The following PCNT variants were observed in gnomAD, a reference collection of about 807,000 sequenced individuals.
The protein encoded by PCNT is kendrin.
In PCNT, 319 loss-of-function variants were observed where a neutral mutation model predicts 380.4. That is an observed-to-expected ratio of 0.84 (90% confidence interval 0.77 to 0.92). The LOEUF (loss-of-function observed/expected upper bound fraction) is 0.92, where lower values mean the gene tolerates loss of function less well. PCNT is among the 40% of genes least tolerant of loss of function. The pLI is 0.00. For synonymous variants in PCNT, 1,845 were observed against 1,735.2 expected (o/e 1.06, Z -1.57); for missense variants, 4,400 against 4,255.3 (o/e 1.03, Z -0.95).
intron 17 of PCNT, among the ~76,000 whole-genome samples, chr21:46,386,917 C>A (rs1035816512): frequency 6.6e-6 from 1 of 152,104 alleles, no homozygotes; most frequent in Non-Finnish European, 1.5e-5. Flanking sequence ...TGTCCCCGCC[C>A]GAGGCCTCTG....
chr21:46,353,053 T>G (rs1032926346), intron 9 of PCNT, 51 bp from the exon 10 acceptor site: 2 of 1,471,314 alleles, frequency 1.4e-6, no homozygotes, highest in African/African-American at 1.4e-5. Context: ...TCGCCTGGCT[T>G]GTTGTGGGTG....
intron 29 of PCNT, 29 bp from the exon 30 acceptor site, chr21:46,416,040 A>G: frequency 6.2e-7 from 1 of 1,612,628 alleles, no homozygotes; most frequent in Non-Finnish European, 8.5e-7. Flanking sequence ...CAGGTATTCC[A>G]CCGTGCACCT....
At chr21:46,431,419 A>G in intron 37 of PCNT, 110 bp from the exon 38 acceptor site, 1 of 1,583,084 alleles carries the variant, frequency 6.3e-7, no homozygotes, top group Non-Finnish European at 8.6e-7. Flanking sequence ...GGTGCATTTC[A>G]AAAGGTAGAA....
intron 3 of PCNT, among the ~76,000 whole-genome samples, chr21:46,337,780 C>T (rs1450774856): frequency 6.6e-6 from 1 of 151,752 alleles, no homozygotes; most frequent in East Asian, 1.9e-4. Flanking sequence ...TGGGGTTTCA[C>T]CATGTTGGTC....
rs752113441 is a variant in PCNT, at chr21:46,399,671, C to T, written c.4666C>T (p.Gln1556Ter). The T allele has an allele frequency of 6.2e-7, 1 of 1,613,350 alleles. No individual in the cohort carries two copies. Among genetic ancestry groups the T allele is most frequent in the Non-Finnish European group, 8.5e-7 (1 of 1,179,382 alleles). ...LAIQKESADR[Q>*]VLMQEEEIKR... ...TATACAGAAAGAGTCGGCAGATAGA[C>T]AAGTGTTAATGCAGGAAGAAGAAAT... is the stretch of plus-strand genomic sequence containing the variant. The change falls in exon 25 of 47, where the codon CAA becomes TAA. Residue 1556 changes from glutamine to a stop codon, truncating the protein, a stop_gained. Coordinates refer to ENST00000359568, the MANE Select transcript of PCNT (RefSeq NM_006031.6). LOFTEE classifies it high-confidence loss of function.
At chr21:46,356,863 A>G in intron 12 of PCNT, 111 bp from the exon 13 acceptor site, 2 of 868,110 alleles carry the variant, frequency 2.3e-6, no homozygotes, top group Admixed American at 2.0e-5. Flanking sequence ...GAAAATCCAC[A>G]GTGTCTGCTG....
intron 43 of PCNT, among the ~76,000 whole-genome samples, chr21:46,441,388 C>G (rs1274606016): frequency 2.0e-5 from 3 of 152,144 alleles, no homozygotes; most frequent in Non-Finnish European, 4.4e-5. Context: ...AACTGTTTTT[C>G]CCCCTAAACA....
At chr21:46,424,211 G>T (rs1298680538) in intron 32 of PCNT, among the ~76,000 whole-genome samples, 2 of 152,206 alleles carry the variant, frequency 1.3e-5, no homozygotes, top group Non-Finnish European at 2.9e-5. Context: ...CTGAGCACGG[G>T]TGGGGCCCCG....
Position 46,427,780 on chromosome 21 carries a change from GAT to G in PCNT, c.7480_7481del (p.Ile2494HisfsTer3). The G allele has an allele frequency of 6.2e-7, 1 of 1,613,530 alleles. No individual in the cohort carries two copies. Among genetic ancestry groups the G allele is most frequent in the Non-Finnish European group, 8.5e-7 (1 of 1,180,024 alleles). ...GCTCCCTGCTCGAAAGGCTGGAGAA[GAT>G]CATCCGTGAGCAGGTGAGTGTCAGC... ...HSSLLERLEK[I>X]IREQGDLQEK... On this transcript the variant is annotated frameshift_variant, in exon 34 of 47. Coordinates refer to ENST00000359568, the MANE Select transcript of PCNT (RefSeq NM_006031.6). LOFTEE classifies it high-confidence loss of function.
chr21:46,359,200 G>A (rs1322697289), intron 13 of PCNT, among the ~76,000 whole-genome samples: 3 of 151,296 alleles, frequency 2.0e-5, no homozygotes, highest in Non-Finnish European at 3.0e-5. Context: ...TGATCTGCCC[G>A]CCTTGGCCTC....
intron 27 of PCNT, among the ~76,000 whole-genome samples, chr21:46,408,616 T>G (rs1401125101): frequency 6.6e-6 from 1 of 152,206 alleles, no homozygotes; most frequent in Non-Finnish European, 1.5e-5. Flanking sequence ...TGGTATATCC[T>G]AGAGTTTTGT....
intron 15 of PCNT, among the ~76,000 whole-genome samples, chr21:46,375,782 G>A (rs561624084): frequency 6.6e-5 from 10 of 152,364 alleles, no homozygotes; most frequent in Admixed American, 3.3e-4. Flanking sequence ...GTCCCCCCGC[G>A]GGGAGCCGCC....
chr21:46,379,698 T>G (rs2085448974), intron 15 of PCNT, among the ~76,000 whole-genome samples: 1 of 152,208 alleles, frequency 6.6e-6, no homozygotes, highest in Non-Finnish European at 1.5e-5. Context: ...TTCTGTCTTC[T>G]GCCTGCTCGA....
chr21:46,371,255 G>C (rs2085117991), intron 15 of PCNT, among the ~76,000 whole-genome samples: 1 of 142,112 alleles, frequency 7.0e-6, no homozygotes, highest in African/African-American at 2.6e-5. Context: ...CTCAAAAAAA[G>C]TCTAGAGTGC....
intron 8 of PCNT, among the ~76,000 whole-genome samples, chr21:46,351,163 G>A (rs186021353): frequency 6.6e-5 from 10 of 152,252 alleles, no homozygotes; most frequent in Admixed American, 2.0e-4. Context: ...GAACCTGGCC[G>A]TGCCACCTCC....
At chr21:46,341,945 T>TA (rs1491411143) in intron 3 of PCNT, among the ~76,000 whole-genome samples, 2 of 12,204 alleles carry the variant, frequency 1.6e-4, no homozygotes, top group Non-Finnish European at 3.1e-4. Flanking sequence ...GCTTTTTACT[T>TA]ATTTTTTTTT....
intron 15 of PCNT, among the ~76,000 whole-genome samples, chr21:46,376,465 C>T (rs761531686): frequency 2.0e-5 from 3 of 152,158 alleles, no homozygotes; most frequent in African/African-American, 7.2e-5. Flanking sequence ...AGGAGGGAAG[C>T]GCCTGATCTG....
At position 46,355,540 on chromosome 21, in the gene PCNT, A is replaced by C; in HGVS notation, c.1850A>C (p.Glu617Ala). ...GAGTCTCCCCTCTGCATCCAGCACG[A>C]GGGGCATGTCTCAGACAGATGCTGC... is the stretch of plus-strand genomic sequence containing the variant. ...ALESPLCIQH[E>A]GHVSDRCCVE... The change falls in exon 12 of 47, where the codon GAG (glutamate) becomes GCG (alanine). Residue 617 changes from glutamate to alanine, a missense_variant. Glu to Ala is a moderately radical substitution (Grantham distance 107, BLOSUM62 -1). Coordinates refer to ENST00000359568, the MANE Select transcript of PCNT (RefSeq NM_006031.6). 1.2e-6 allele frequency: 2 copies of C among 1,614,142 alleles called. No individual in the cohort carries two copies. The highest frequency in any genetic ancestry group is 1.7e-6 in the Non-Finnish European group (2 of 1,180,032).
rs1386263540 is a variant in PCNT at position 46,411,509 on chromosome 21, G to T, written c.5436G>T (p.Arg1812Ser). 1.2e-6 allele frequency: 2 copies of T among 1,609,306 alleles called. No homozygotes were observed. The highest frequency in any genetic ancestry group is 1.1e-5 in the South Asian group (1 of 90,940). Residue 1812 changes from arginine to serine, a missense_variant, in exon 28 of 47, where the codon AGG (arginine) becomes AGT (serine). Physicochemically the swap from Arg to Ser is moderately radical, Grantham distance 110. Coordinates refer to ENST00000359568, the MANE Select transcript of PCNT (RefSeq NM_006031.6). ...GGCTGCTGGCTGACCAGGAGCGCAG[G>T]CACAGCCAGGCCCTGGAGGCCCTGC... Reference protein sequence around the residue: ...LSRLLADQERRHSQALEALQQ... With the variant: ...LSRLLADQERSHSQALEALQQ...
Sources: gnomAD v4.1 joint callset for allele counts (sites outside exome capture counted in the v4.1 genomes callset) on GRCh38, gnomAD v4.1.1 for gene constraint, MANE v1.5 for transcripts, NCBI Gene and HGNC (gene_info 2026-07-23, HGNC 2026-07-21) for gene names.